Variants in XKR6 observed in about 807,000 individuals in gnomAD.
XKR6 encodes XK-related protein 6.
In XKR6, 22 loss-of-function variants were observed where a neutral mutation model predicts 56.7. The observed-to-expected ratio is 0.39, with a 90% CI of 0.28 to 0.55. XKR6 has a LOEUF of 0.55. XKR6 is among the 20% of genes least tolerant of loss of function. XKR6 has a pLI of 0.66. For missense variants in XKR6, 852 were observed against 889.0 expected, an observed-to-expected ratio of 0.96 and a Z score of 0.53; for synonymous variants, 524 against 387.8, an observed-to-expected ratio of 1.35 and a Z score of -4.13.
chr8:11,069,240 C>CAA (rs112907257), intron 1 of XKR6, among the ~76,000 whole-genome samples: 26 of 140,292 alleles, frequency 1.9e-4, no homozygotes, highest in African/African-American at 4.2e-4. Flanking sequence ...AAAGATATGC[C>CAA]AAAAAAAAAA....
intron 1 of XKR6, among the ~76,000 whole-genome samples, chr8:10,950,515 T>C (rs1801686670): frequency 6.6e-6 from 1 of 152,152 alleles, no homozygotes; most frequent in African/African-American, 2.4e-5. Flanking sequence ...GTCACCTCGT[T>C]CATAAAGTGG....
chr8:11,200,769 C>A lies in XKR6; in HGVS notation c.571G>T (p.Gly191Cys). ...AGCCCCTCCACGGCGCCCAGCCCGC[C>A]GCCCGTGTAGTCCTGCACGAACCAG... ...FRWFVQDYTG[G>C]GLGAVEGLTS... The change falls in exon 1 of 3, where the codon GGC (glycine) becomes TGC (cysteine). Residue 191 changes from glycine to cysteine, a missense_variant. Transcript: ENST00000416569. This position sits in a 1 kb window ranked among gnomAD's most constrained non-coding sequence, Gnocchi z 6.4. 1 of 1,601,618 alleles carries A rather than the reference C, an allele frequency of 6.2e-7. No homozygotes were observed. The highest frequency in any genetic ancestry group is 1.1e-5 in the South Asian group (1 of 89,684).
intron 1 of XKR6, among the ~76,000 whole-genome samples, chr8:11,168,530 C>T (rs1383090608): frequency 2.0e-5 from 3 of 152,124 alleles, no homozygotes; most frequent in Non-Finnish European, 4.4e-5. Context: ...TTGTACAACA[C>T]ATAAACCAAC....
intron 1 of XKR6, among the ~76,000 whole-genome samples, chr8:10,949,408 A>G (rs1801651295): frequency 6.6e-6 from 1 of 152,146 alleles, no homozygotes; most frequent in African/African-American, 2.4e-5. Flanking sequence ...AAGCCCCTTA[A>G]AGACTTGGGC....
chr8:11,182,067 C>A (rs909373899), intron 1 of XKR6, among the ~76,000 whole-genome samples: 6 of 152,232 alleles, frequency 3.9e-5, no homozygotes, highest in Non-Finnish European at 8.8e-5. Flanking sequence ...GCATGAGCCA[C>A]CACGCCCAGT....
At chr8:10,996,630 G>A (rs1345370502) in intron 1 of XKR6, among the ~76,000 whole-genome samples, 1 of 152,182 alleles carries the variant, frequency 6.6e-6, no homozygotes, top group Non-Finnish European at 1.5e-5. Context: ...GAATATATGT[G>A]AGGGGCAGGG....
chr8:11,021,523 TTAG>T lies in XKR6; in HGVS notation c.765-96696_765-96694del, dbSNP rs1456630074. Reference sequence around the variant, plus strand: ...TTTCTTCAGGGCCCAGCACAATTCATTAGTAGCTTCTAGCCTTTTGTCCCTTTC... The same window carrying T: ...TTTCTTCAGGGCCCAGCACAATTCATTAGCTTCTAGCCTTTTGTCCCTTTC... On this transcript the variant is annotated intron_variant, in intron 1 of 2. Coordinates refer to ENST00000416569, the MANE Select transcript of XKR6 (RefSeq NM_173683.4). Among the ~76,000 whole-genome samples, 15 of 152,186 alleles carry T rather than the reference TTAG, an allele frequency of 9.9e-5. No individual in the cohort carries two copies. The South Asian group carries it at 2.7e-3, about 27-fold the overall frequency.
chr8:11,176,563 C>G (rs77987625), intron 1 of XKR6, among the ~76,000 whole-genome samples: 1 of 152,030 alleles, frequency 6.6e-6, no homozygotes, highest in African/African-American at 2.4e-5. Flanking sequence ...ACATCAAATT[C>G]TTTTCCTAAA....
chr8:11,087,027 G>T (rs1032280160), intron 1 of XKR6, among the ~76,000 whole-genome samples: 5 of 152,088 alleles, frequency 3.3e-5, no homozygotes, highest in African/African-American at 1.2e-4. Flanking sequence ...GCTGACGTGT[G>T]GGCAAGTAGA....
intron 1 of XKR6, among the ~76,000 whole-genome samples, chr8:11,159,572 C>G (rs1801692668): frequency 6.6e-6 from 1 of 152,238 alleles, no homozygotes; most frequent in East Asian, 1.9e-4. Context: ...CAGCTTCAAT[C>G]AGGAACTTGT....
intron 1 of XKR6, among the ~76,000 whole-genome samples, chr8:11,045,706 GTCTTTCTCCTGTTCCTA>G (rs1167793536): frequency 1.3e-5 from 2 of 152,098 alleles, no homozygotes; most frequent in African/African-American, 4.8e-5. Flanking sequence ...ACCACATCAG[GTCTTTCTCCTGTTCCTA>G]TCTTTCTCCT....
At chr8:11,179,578 C>T (rs988623729) in intron 1 of XKR6, among the ~76,000 whole-genome samples, 5 of 152,178 alleles carry the variant, frequency 3.3e-5, no homozygotes, top group Non-Finnish European at 7.3e-5. Flanking sequence ...ACTAGAGTTT[C>T]AGTCCTACCC....
chr8:10,924,900 C>T, intron 1 of XKR6, 70 bp from the exon 2 acceptor site: 1 of 1,490,322 alleles, frequency 6.7e-7, no homozygotes, highest in Non-Finnish European at 9.1e-7. Flanking sequence ...CCCTTGCCAT[C>T]CCCCTAAAAC....
chr8:11,151,455 TTG>T (rs1283833198), intron 1 of XKR6, among the ~76,000 whole-genome samples: 2 of 152,210 alleles, frequency 1.3e-5, no homozygotes, highest in African/African-American at 4.8e-5. Flanking sequence ...TTTCTATTAT[TTG>T]TTCTGTTGAG....
At chr8:11,061,607 A>T (rs993392431) in intron 1 of XKR6, among the ~76,000 whole-genome samples, 1 of 152,130 alleles carries the variant, frequency 6.6e-6, no homozygotes. Flanking sequence ...TCATTCATTC[A>T]TTCATTCATT....
chr8:10,954,963 G>T (rs1801839288), intron 1 of XKR6, among the ~76,000 whole-genome samples: 1 of 147,244 alleles, frequency 6.8e-6, no homozygotes, highest in Admixed American at 6.9e-5. Context: ...TTGCCTCCTG[G>T]GTTCAAGTGA....
At chr8:11,102,929 G>T (rs1414437606) in intron 1 of XKR6, among the ~76,000 whole-genome samples, 2 of 152,170 alleles carry the variant, frequency 1.3e-5, no homozygotes, top group Non-Finnish European at 2.9e-5. Flanking sequence ...AACCTCATGA[G>T]GAAAGACAGC....
At chr8:11,116,748 T>TAC (rs1799196210) in intron 1 of XKR6, among the ~76,000 whole-genome samples, 2 of 152,254 alleles carry the variant, frequency 1.3e-5, no homozygotes, top group Admixed American at 1.3e-4. Context: ...ATGTCCCCCT[T>TAC]ACATCTCACA....
intron 1 of XKR6, among the ~76,000 whole-genome samples, chr8:11,090,403 T>C (rs1001035419): frequency 1.8e-5 from 2 of 108,786 alleles, no homozygotes; most frequent in African/African-American, 1.1e-4. Flanking sequence ...CGCTTTTTAA[T>C]GGTTTTTTTT....
Sources: allele counts gnomAD v4.1 joint callset (sites outside exome capture counted in the v4.1 genomes callset), GRCh38; gene constraint gnomAD v4.1.1; non-coding constraint Gnocchi (gnomAD v3.1); transcripts MANE v1.5; gene names NCBI Gene and HGNC (gene_info 2026-07-23, HGNC 2026-07-21).